Variants in ZBTB1 observed in about 807,000 individuals in gnomAD.
ZBTB1 encodes the protein zinc finger and BTB domain-containing protein 1.
ZBTB1 carries 13 observed loss-of-function variants against 51.6 expected under a neutral mutation model. The ratio of observed to expected loss-of-function variants is 0.25; its 90% CI spans 0.16 to 0.40. The LOEUF (loss-of-function observed/expected upper bound fraction) is 0.40. Among genes scored for constraint, ZBTB1 ranks in the 10% least tolerant of loss-of-function variants. The pLI is 1.00. For missense variants in ZBTB1, 567 were observed against 856.5 expected (o/e 0.66, Z 4.22); for synonymous variants, 240 against 282.2 (o/e 0.85, Z 1.50).
chr14:64,519,632 A>C (rs1157530515), intron 1 of ZBTB1, among the ~76,000 whole-genome samples: 1 of 151,292 alleles, frequency 6.6e-6, no homozygotes, highest in East Asian at 2.0e-4. Flanking sequence ...ACAAAAAAAA[A>C]CTGAATGTGG....
upstream of ZBTB1, chr14:64,503,882 T>G (rs1215927587): frequency 1.3e-5 from 2 of 152,226 alleles, no homozygotes; most frequent in African/African-American, 4.8e-5. Context: ...CGTGCGTACG[T>G]GCGCGCCCTC....
At chr14:64,515,606 C>T (rs993634292) in intron 1 of ZBTB1, among the ~76,000 whole-genome samples, 37 of 151,262 alleles carry the variant, frequency 2.4e-4, no homozygotes, top group Non-Finnish European at 4.4e-4. Flanking sequence ...CTGTAAGCTC[C>T]GCCTCCCGAG....
At chr14:64,505,619 G>A (rs983244664) in intron 1 of ZBTB1, among the ~76,000 whole-genome samples, 1 of 152,212 alleles carries the variant, frequency 6.6e-6, no homozygotes, top group Non-Finnish European at 1.5e-5. Flanking sequence ...TACTACTAAA[G>A]TATGTAGGCA....
At chr14:64,527,929 C>T (rs974314893), downstream of ZBTB1, among the ~76,000 whole-genome samples, 6 of 151,962 alleles carry the variant, frequency 3.9e-5, no homozygotes, top group Admixed American at 3.9e-4. Context: ...GCCTATGGAA[C>T]AATTTTATGA....
At chr14:64,503,770 G>A, upstream of ZBTB1, 1 of 263,060 alleles carries the variant, frequency 3.8e-6, no homozygotes, top group Non-Finnish European at 5.9e-6. Flanking sequence ...GCCGCCTCTC[G>A]CGCGGCTTCC....
intron 1 of ZBTB1, among the ~76,000 whole-genome samples, chr14:64,509,575 T>G (rs2079701913): frequency 6.6e-6 from 1 of 152,222 alleles, no homozygotes; most frequent in South Asian, 2.1e-4. Flanking sequence ...GGTTTCATTT[T>G]GTTGAATTTC....
rs1430049557 is a variant in ZBTB1 at position 64,522,492 on chromosome 14, G to A, written c.988G>A (p.Glu330Lys). ...GAGGAAAAGGATTATTATTAAGATG[G>A]AGCCAGAAGATATTCCTACAGATGA... is the stretch of plus-strand genomic sequence containing the variant. ...AERKRIIIKM[E>K]PEDIPTDELK... is the part of the protein sequence containing the mutation. The change falls in exon 2 of 2, where the codon GAG becomes AAG. Residue 330 changes from glutamate (E) to lysine (K), a missense_variant. Glu to Lys is a moderately conservative substitution (Grantham distance 56). Around this residue, in one of 5 missense-constraint regions of ZBTB1, gnomAD observed 329 missense variants for 406.3 expected, o/e 0.81. Coordinates refer to ENST00000683701, the MANE Select transcript of ZBTB1 (RefSeq NM_001123329.2). 3.1e-6 allele frequency: 5 copies of A among 1,614,092 alleles called. No homozygotes were observed. Among genetic ancestry groups the A allele is most frequent in the Non-Finnish European group, 4.2e-6 (5 of 1,180,024 alleles).
chr14:64,520,796 G>T (rs2079852180), intron 1 of ZBTB1, among the ~76,000 whole-genome samples: 1 of 151,316 alleles, frequency 6.6e-6, no homozygotes, highest in African/African-American at 2.4e-5. Context: ...CAATCTAATT[G>T]TTAACTTTCA....
Position 64,522,460 on chromosome 14 carries a change from C to T in ZBTB1, c.956C>T (p.Ala319Val). 6.2e-7 allele frequency: 1 copy of T among 1,614,040 alleles called. No individual in the cohort carries two copies. Among genetic ancestry groups the T allele is most frequent in the Non-Finnish European group, 8.5e-7 (1 of 1,180,022 alleles). The change falls in exon 2 of 2, where the codon GCT becomes GTT. Residue 319 changes from alanine (A) to valine (V), a missense_variant. By Grantham distance (64) the Ala-to-Val change is moderately conservative (BLOSUM62 0). Around this residue, in one of 5 missense-constraint regions of ZBTB1, gnomAD observed 329 missense variants for 406.3 expected, o/e 0.81. Coordinates refer to ENST00000683701, the MANE Select transcript of ZBTB1 (RefSeq NM_001123329.2). ...ATAGCAAGCGAAGAGAAAAGCAGAGCTGCTGAGAGGAAAAGGATTATTATT... is the reference window on the plus strand; with the variant it reads ...ATAGCAAGCGAAGAGAAAAGCAGAGTTGCTGAGAGGAAAAGGATTATTATT... ...SEIASEEKSR[A>V]AERKRIIIKM...
chr14:64,514,734 C>T (rs1013159652), intron 1 of ZBTB1, among the ~76,000 whole-genome samples: 1 of 152,134 alleles, frequency 6.6e-6, no homozygotes, highest in East Asian at 1.9e-4. Context: ...CAATAGCATC[C>T]AACCAACAAA....
Position 64,524,472 on chromosome 14 carries a change from A to C in ZBTB1, c.*826A>C, listed in dbSNP as rs1485779948. 2 of 838,750 alleles carry C rather than the reference A, an allele frequency of 2.4e-6. No individual in the cohort carries two copies. The highest frequency in any genetic ancestry group is 3.7e-5 in the African/African-American group (2 of 54,258). The allele number at this position is 838,750 out of a possible 1,614,324, so 52.0% of individuals were successfully genotyped here. On this transcript the variant is annotated 3_prime_UTR_variant, in exon 2 of 2. Coordinates refer to ENST00000683701, the MANE Select transcript of ZBTB1 (RefSeq NM_001123329.2). ...TAATTTAAAATATTCTGATTTCTAA[A>C]GTGTGTTAGCTTATCAATTATTTTT... is the stretch of plus-strand genomic sequence containing the variant.
rs535986168 is a variant in ZBTB1 at position 64,524,667 on chromosome 14, A to G, written c.*1021A>G. 6.9e-5 allele frequency: 68 copies of G among 985,060 alleles called. No homozygotes were observed. The African/African-American group carries it at 1.1e-3, about 16-fold the overall frequency. The allele number at this position is 985,060 out of a possible 1,614,324, so 61.0% of individuals were successfully genotyped here. A position where few individuals can be genotyped will look rare whatever the true frequency, so the allele number is the denominator to read the frequency against. On this transcript the variant is annotated 3_prime_UTR_variant, in exon 2 of 2. Coordinates refer to ENST00000683701, the MANE Select transcript of ZBTB1 (RefSeq NM_001123329.2). ...ATAAACCTGGTTGTTCTATAAAAGT[A>G]GAGTGCACAAAAAAATGTCTTGTGT...
intron 1 of ZBTB1, among the ~76,000 whole-genome samples, chr14:64,506,620 G>A (rs1479547667): frequency 1.3e-5 from 2 of 152,218 alleles, no homozygotes; most frequent in East Asian, 1.9e-4. Context: ...TAAACATAAC[G>A]TCTACAGTAG....
rs1400402076 is a variant in ZBTB1, at chr14:64,517,772, TATATATA to T, written c.-18-3714_-18-3708del. Among the ~76,000 whole-genome samples, 75 of 77,972 alleles carry T rather than the reference TATATATA, an allele frequency of 9.6e-4. No homozygotes were observed. In the East Asian group the frequency reaches 0.011, roughly 11 times the overall value. 51.2% of individuals were successfully genotyped at this position (77,972 alleles called of 152,430 possible). On this transcript the variant is annotated intron_variant, in intron 1 of 1. Transcript: ENST00000683701. Reference sequence around the variant, plus strand: ...CCATTTAGAAATATATATATATATATATATATATATTTTTTTTTTTTTTTTTTTTTTG... The same window carrying T: ...CCATTTAGAAATATATATATATATATTATTTTTTTTTTTTTTTTTTTTTTG...
downstream of ZBTB1, among the ~76,000 whole-genome samples, chr14:64,526,926 T>A (rs900056586): frequency 2.0e-5 from 3 of 151,656 alleles, no homozygotes; most frequent in African/African-American, 7.3e-5. Context: ...GCAGCTGTAG[T>A]CCCCAGCTAC....
chr14:64,527,182 C>T (rs967164104), downstream of ZBTB1, among the ~76,000 whole-genome samples: 3 of 151,888 alleles, frequency 2.0e-5, no homozygotes, highest in Admixed American at 1.3e-4. Context: ...TTTGCTAGAG[C>T]AGTCAGGACA....
chr14:64,505,097 C>T (rs988693019), intron 1 of ZBTB1, 151 bp downstream of exon 1: 12 of 353,494 alleles, frequency 3.4e-5, no homozygotes, highest in African/African-American at 6.4e-5. Context: ...GACCCGGTGA[C>T]GGGCGGCTGC....
At position 64,523,972 on chromosome 14, in the gene ZBTB1, A is replaced by ATT. The variant is rs1387794649; in HGVS notation, c.*328_*329dup. The ATT allele has an allele frequency of 9.9e-7, 1 of 1,015,058 alleles. No homozygotes were observed. Among genetic ancestry groups the ATT allele is most frequent in the South Asian group, 4.7e-5 (1 of 21,374 alleles). The allele number at this position is 1,015,058 out of a possible 1,614,324, so 62.9% of individuals were successfully genotyped here. On this transcript the variant is annotated 3_prime_UTR_variant, in exon 2 of 2. Transcript: ENST00000683701. The surrounding 1 kb of genome is among the most constrained non-coding windows in gnomAD (Gnocchi z 4.5). ...TCATCAATAAGGTGATGACTTCACT[A>ATT]TTTCTATGTGTTTTTTTTTTTTTAA...
upstream of ZBTB1, chr14:64,504,399 G>A (rs1434782120): frequency 1.3e-5 from 2 of 152,654 alleles, no homozygotes; most frequent in East Asian, 3.8e-4. Flanking sequence ...GAGTGGGAAA[G>A]CAGCCTCGCA....
Sources: gnomAD v4.1 joint callset for allele counts (sites outside exome capture counted in the v4.1 genomes callset) on GRCh38, gnomAD v4.1.1 for gene constraint, gnomAD v4.1.1 regional missense constraint, Gnocchi (gnomAD v3.1) non-coding constraint, MANE v1.5 for transcripts, NCBI Gene and HGNC (gene_info 2026-07-23, HGNC 2026-07-21) for gene names.